TMEM132D: variants seen among roughly 807,000 people sequenced by gnomAD.
The protein encoded by TMEM132D is mature OL transmembrane protein.
A neutral mutation model predicts 62.3 loss-of-function variants in TMEM132D; 21 were observed. The observed-to-expected ratio is 0.34, with a 90% CI of 0.24 to 0.49. The LOEUF (loss-of-function observed/expected upper bound fraction) is 0.49, where lower values mean the gene tolerates loss of function less well. Among genes scored for constraint, TMEM132D ranks in the 20% least tolerant of loss-of-function variants. The pLI is 0.99. For missense variants in TMEM132D, 1,346 were observed against 1,402.8 expected (o/e 0.96, Z 0.65); for synonymous variants, 621 against 575.6 (o/e 1.08, Z -1.13).
chr12:129,300,869 G>A (rs776303142), intron 4 of TMEM132D, among the ~76,000 whole-genome samples: 10 of 152,102 alleles, frequency 6.6e-5, no homozygotes, highest in Non-Finnish European at 1.0e-4. Context: ...CTCATAGCTC[G>A]TGACCCGTTC....
At position 129,637,290 on chromosome 12, in the gene TMEM132D, C is replaced by T. The variant is rs199927056; in HGVS notation, c.968+62520G>A. ...ACTGAAAAACAAATTTGTAAATTTG[C>T]CTTTGTCTCAGAATTTCATGGTGTT... is the stretch of plus-strand genomic sequence containing the variant. On this transcript the variant is annotated intron_variant, in intron 2 of 8. Coordinates refer to ENST00000422113, the MANE Select transcript of TMEM132D (RefSeq NM_133448.3). 2.0e-5 allele frequency among the ~76,000 whole-genome samples: 3 copies of T among 152,066 alleles called. No individual in the cohort carries two copies. The East Asian group carries it at 5.8e-4, about 29-fold the overall frequency.
At chr12:129,658,910 T>G (rs1482433044) in intron 2 of TMEM132D, among the ~76,000 whole-genome samples, 1 of 152,112 alleles carries the variant, frequency 6.6e-6, no homozygotes, top group African/African-American at 2.4e-5. Flanking sequence ...CTTTTAGCAA[T>G]GAGACCCCTG....
intron 4 of TMEM132D, among the ~76,000 whole-genome samples, chr12:129,295,137 C>T (rs1180745400): frequency 1.3e-5 from 2 of 152,220 alleles, no homozygotes; most frequent in Admixed American, 6.5e-5. Flanking sequence ...AGCAGACTGC[C>T]TTTGCATGTT....
chr12:129,502,118 G>C (rs1193497094), intron 3 of TMEM132D, among the ~76,000 whole-genome samples: 4 of 152,010 alleles, frequency 2.6e-5, no homozygotes, highest in Non-Finnish European at 5.9e-5. Context: ...TCCTGCCTCA[G>C]CCTCCCGAGT....
At chr12:129,624,878 C>G (rs1246872247) in intron 2 of TMEM132D, among the ~76,000 whole-genome samples, 3 of 152,248 alleles carry the variant, frequency 2.0e-5, no homozygotes, top group African/African-American at 7.2e-5. Flanking sequence ...CTCTCAGGCA[C>G]AGGGCAGAGT....
chr12:129,269,775 T>A (rs1159956516), intron 4 of TMEM132D, among the ~76,000 whole-genome samples: 1 of 152,200 alleles, frequency 6.6e-6, no homozygotes, highest in Non-Finnish European at 1.5e-5. Context: ...GTCTCGTTAT[T>A]CGGTCGCAGT....
rs567262006 is a variant in TMEM132D at position 129,302,465 on chromosome 12, A to G, written c.1299+35169T>C. 2.0e-5 allele frequency among the ~76,000 whole-genome samples: 3 copies of G among 152,334 alleles called. No homozygotes were observed. In the East Asian group the frequency reaches 5.8e-4, roughly 29 times the overall value. On this transcript the variant is annotated intron_variant, in intron 4 of 8. Coordinates refer to ENST00000422113, the MANE Select transcript of TMEM132D (RefSeq NM_133448.3). Reference sequence around the variant, plus strand: ...CAGGATATGTCTCCGAGGGCTCTCCATTAGGCAGCCCCTGGCACACAACAC... The same window carrying G: ...CAGGATATGTCTCCGAGGGCTCTCCGTTAGGCAGCCCCTGGCACACAACAC...
Position 129,321,910 on chromosome 12 carries a change from C to T in TMEM132D, c.1299+15724G>A, listed in dbSNP as rs138413835. 3.1e-3 allele frequency among the ~76,000 whole-genome samples: 475 copies of T among 151,728 alleles called. 3 individuals are homozygous for T. The highest frequency in any genetic ancestry group is 0.011 in the African/African-American group (435 of 41,378). On this transcript the variant is annotated intron_variant, in intron 4 of 8. Transcript: ENST00000422113. ...GCGTGGGACGAATGTTTCCTTCCTG[C>T]TCTTTGTCGGACACACAGATATGTC... is the stretch of plus-strand genomic sequence containing the variant.
At chr12:129,217,214 T>C (rs1176118403) in intron 4 of TMEM132D, among the ~76,000 whole-genome samples, 1 of 152,158 alleles carries the variant, frequency 6.6e-6, no homozygotes, top group Non-Finnish European at 1.5e-5. Context: ...TGGAATACTA[T>C]ACAGCCATAA....
intron 8 of TMEM132D, among the ~76,000 whole-genome samples, chr12:129,075,836 G>A (rs73159542): frequency 0.019 from 2,897 of 152,342 alleles, 42 homozygotes; most frequent in Non-Finnish European, 0.03. Flanking sequence ...CAGATCATTG[G>A]AGATAACCTC....
At chr12:129,571,410 A>G (rs963650383) in intron 2 of TMEM132D, among the ~76,000 whole-genome samples, 3 of 152,084 alleles carry the variant, frequency 2.0e-5, no homozygotes, top group African/African-American at 7.2e-5. Flanking sequence ...TGGAAAATAC[A>G]AAAATACAAA....
chr12:129,410,697 G>GA (rs1186978283), intron 3 of TMEM132D, among the ~76,000 whole-genome samples: 1 of 151,856 alleles, frequency 6.6e-6, no homozygotes, highest in African/African-American at 2.4e-5. Context: ...TCTGACTCCA[G>GA]AAAAAAAATT....
chr12:129,458,305 C>T (rs1873545652), intron 3 of TMEM132D, among the ~76,000 whole-genome samples: 1 of 152,116 alleles, frequency 6.6e-6, no homozygotes, highest in South Asian at 2.1e-4. Flanking sequence ...TAAGTCCTCC[C>T]TCTCCACTGC....
At chr12:129,800,091 C>T (rs1177044059) in intron 1 of TMEM132D, among the ~76,000 whole-genome samples, 1 of 152,100 alleles carries the variant, frequency 6.6e-6, no homozygotes, top group Non-Finnish European at 1.5e-5. Flanking sequence ...AGGGTCCAAC[C>T]CCAGCACATC....
chr12:129,881,771 A>T (rs1414948581), intron 1 of TMEM132D, among the ~76,000 whole-genome samples: 4 of 152,024 alleles, frequency 2.6e-5, no homozygotes, highest in Non-Finnish European at 5.9e-5. Context: ...CACAAAAGAA[A>T]AAATAGTATT....
At chr12:129,284,593 T>A in intron 4 of TMEM132D, among the ~76,000 whole-genome samples, 1 of 152,222 alleles carries the variant, frequency 6.6e-6, no homozygotes, top group East Asian at 1.9e-4. Flanking sequence ...AAAACAGGTG[T>A]TCAAACAAAC....
intron 3 of TMEM132D, among the ~76,000 whole-genome samples, chr12:129,450,673 G>A (rs1398034399): frequency 6.6e-6 from 1 of 152,004 alleles, no homozygotes; most frequent in Non-Finnish European, 1.5e-5. Flanking sequence ...CCTGCAACAG[G>A]GTCCCCATGA....
At chr12:129,870,460 C>A (rs908249393) in intron 1 of TMEM132D, among the ~76,000 whole-genome samples, 1 of 152,192 alleles carries the variant, frequency 6.6e-6, no homozygotes, top group African/African-American at 2.4e-5. Context: ...ACATAAAACT[C>A]TGGACTGCAG....
chr12:129,258,564 A>C (rs902385509), intron 4 of TMEM132D, among the ~76,000 whole-genome samples: 20 of 152,212 alleles, frequency 1.3e-4, no homozygotes, highest in African/African-American at 4.8e-4. Flanking sequence ...ACATCTGTGA[A>C]GGGAAGGGTA....
Sources: gnomAD v4.1 joint callset for allele counts (sites outside exome capture counted in the v4.1 genomes callset) on GRCh38, gnomAD v4.1.1 for gene constraint, MANE v1.5 for transcripts, NCBI Gene and HGNC (gene_info 2026-07-23, HGNC 2026-07-21) for gene names.